Variants in GULP1 observed in about 807,000 individuals in gnomAD.
GULP1 encodes the protein PTB domain-containing engulfment adapter protein 1.
Under a neutral mutation model 40.9 loss-of-function variants are expected in GULP1, and 19 were observed. The ratio of observed to expected loss-of-function variants is 0.46; its 90% CI spans 0.32 to 0.68. The LOEUF (loss-of-function observed/expected upper bound fraction) is 0.68, where lower values mean the gene tolerates loss of function less well. GULP1 is among the 30% of genes least tolerant of loss of function. The pLI is 0.03. For synonymous variants in GULP1, 119 were observed against 117.6 expected (o/e 1.01, Z -0.08); for missense variants, 312 against 362.2 (o/e 0.86, Z 1.12).
chr2:188,385,140 T>G (rs2049519085), intron 2 of GULP1, among the ~76,000 whole-genome samples: 1 of 152,092 alleles, frequency 6.6e-6, no homozygotes, highest in Non-Finnish European at 1.5e-5. Flanking sequence ...CTAGGAGAGG[T>G]TCTCCATGAG....
intron 1 of GULP1, among the ~76,000 whole-genome samples, chr2:188,310,774 A>C (rs1413441131): frequency 6.6e-6 from 1 of 152,202 alleles, no homozygotes; most frequent in Non-Finnish European, 1.5e-5. Context: ...ATGAGAAGCC[A>C]GTAACAGACA....
At chr2:188,425,093 T>G (rs2055993936) in intron 2 of GULP1, among the ~76,000 whole-genome samples, 3 of 152,076 alleles carry the variant, frequency 2.0e-5, no homozygotes, top group African/African-American at 7.2e-5. Context: ...AATCTTATCA[T>G]TACTAACATA....
intron 9 of GULP1, chr2:188,582,714 T>C (rs945650532): frequency 2.9e-6 from 1 of 348,710 alleles, no homozygotes; most frequent in African/African-American, 2.1e-5. Context: ...CCATTGTTGT[T>C]TTCTTTGATT....
At chr2:188,424,733 T>C (rs1008183938) in intron 2 of GULP1, among the ~76,000 whole-genome samples, 2 of 151,924 alleles carry the variant, frequency 1.3e-5, no homozygotes, top group African/African-American at 2.4e-5. Context: ...GTCTTTATTT[T>C]AGTCTCTTTA....
rs191871429 is a variant in GULP1 at position 188,534,643 on chromosome 2, G to A, written c.261+5448G>A. On this transcript the variant is annotated intron_variant, in intron 6 of 11. Coordinates refer to ENST00000409830, the MANE Select transcript of GULP1 (RefSeq NM_016315.4). Reference sequence around the variant, plus strand: ...TGCACCCCCTGAATCTAAAATAAAAGTTTAAAAAAGTCTGTTTGGTGATAA... The same window carrying A: ...TGCACCCCCTGAATCTAAAATAAAAATTTAAAAAAGTCTGTTTGGTGATAA... Among the ~76,000 whole-genome samples the A allele has an allele frequency of 5.3e-5, 8 of 152,018 alleles. No individual in the cohort carries two copies. The East Asian group carries it at 1.5e-3, about 29-fold the overall frequency.
intron 9 of GULP1, among the ~76,000 whole-genome samples, chr2:188,572,334 A>G (rs1231409429): frequency 6.6e-6 from 1 of 152,212 alleles, no homozygotes; most frequent in African/African-American, 2.4e-5. Flanking sequence ...GCTATGTTTT[A>G]AAATGAATTA....
At chr2:188,360,263 C>G (rs112311987) in intron 1 of GULP1, among the ~76,000 whole-genome samples, 1 of 152,052 alleles carries the variant, frequency 6.6e-6, no homozygotes, top group Admixed American at 6.6e-5. Flanking sequence ...TCTTTCTGAA[C>G]TGCTAATAAT....
chr2:188,556,530 G>T (rs1455102896), intron 7 of GULP1, among the ~76,000 whole-genome samples: 1 of 151,870 alleles, frequency 6.6e-6, no homozygotes, highest in Non-Finnish European at 1.5e-5. Flanking sequence ...TTCTTTATCT[G>T]GGATTTTGGG....
intron 4 of GULP1, among the ~76,000 whole-genome samples, chr2:188,511,935 T>C (rs998624857): frequency 6.6e-6 from 1 of 152,176 alleles, no homozygotes; most frequent in African/African-American, 2.4e-5. Context: ...GTATCTATTT[T>C]AGTTTTTTTC....
At chr2:188,394,061 A>G (rs1293436995) in intron 2 of GULP1, among the ~76,000 whole-genome samples, 1 of 152,190 alleles carries the variant, frequency 6.6e-6, no homozygotes, top group Non-Finnish European at 1.5e-5. Context: ...ATATTTAGAT[A>G]TCTAAATCTC....
chr2:188,326,226 T>G (rs2040742293), intron 1 of GULP1, among the ~76,000 whole-genome samples: 2 of 152,122 alleles, frequency 1.3e-5, no homozygotes, highest in Admixed American at 1.3e-4. Flanking sequence ...GATCTAATAT[T>G]TCATTATACA....
chr2:188,467,183 A>G (rs778320713), intron 2 of GULP1, among the ~76,000 whole-genome samples: 1 of 152,118 alleles, frequency 6.6e-6, no homozygotes, highest in Non-Finnish European at 1.5e-5. Context: ...AGTTAGGAGG[A>G]TAATAATGCT....
At chr2:188,479,117 A>C (rs1220773627) in intron 3 of GULP1, among the ~76,000 whole-genome samples, 5 of 152,154 alleles carry the variant, frequency 3.3e-5, no homozygotes, top group African/African-American at 1.2e-4. Context: ...ATTCCAAGAA[A>C]GTCAGGTAAA....
intron 9 of GULP1, among the ~76,000 whole-genome samples, chr2:188,581,833 T>C (rs1701386718): frequency 6.6e-6 from 1 of 152,206 alleles, no homozygotes; most frequent in Non-Finnish European, 1.5e-5. Flanking sequence ...TTTATTGTAA[T>C]AAGGACATAA....
At chr2:188,509,120 G>A (rs1359410408) in intron 4 of GULP1, among the ~76,000 whole-genome samples, 1 of 151,924 alleles carries the variant, frequency 6.6e-6, no homozygotes, top group Non-Finnish European at 1.5e-5. Context: ...TCAAGTATCT[G>A]GAACAGTGCC....
chr2:188,418,681 A>C (rs983688379), intron 2 of GULP1, among the ~76,000 whole-genome samples: 3 of 152,218 alleles, frequency 2.0e-5, no homozygotes, highest in Non-Finnish European at 4.4e-5. Context: ...TTTTGGCTTT[A>C]ATAATTAATG....
Position 188,523,315 on chromosome 2 carries a change from C to T in GULP1, c.162+488C>T, listed in dbSNP as rs1031993958. Among the ~76,000 whole-genome samples, 30 of 152,220 alleles carry T rather than the reference C, an allele frequency of 2.0e-4. 1 individual carries two copies. Among genetic ancestry groups the T allele is most frequent in the Admixed American group, 2.0e-3 (30 of 15,284 alleles). On this transcript the variant is annotated intron_variant, in intron 5 of 11. Coordinates refer to ENST00000409830, the MANE Select transcript of GULP1 (RefSeq NM_016315.4). ...CAGGTCCAACAGGATCTGGCAATGTCCGTAAGTAGCCATGGGGAAACTGGT... is the reference window on the plus strand; with the variant it reads ...CAGGTCCAACAGGATCTGGCAATGTTCGTAAGTAGCCATGGGGAAACTGGT...
At chr2:188,386,674 C>T (rs1165411925) in intron 2 of GULP1, among the ~76,000 whole-genome samples, 1 of 152,020 alleles carries the variant, frequency 6.6e-6, no homozygotes, top group Admixed American at 6.6e-5. Flanking sequence ...GGCTCAATGA[C>T]TGTGATCTTT....
chr2:188,341,146 TC>T (rs1256666178), intron 1 of GULP1, among the ~76,000 whole-genome samples: 2 of 152,162 alleles, frequency 1.3e-5, no homozygotes, highest in African/African-American at 4.8e-5. Flanking sequence ...CCTGACCTTT[TC>T]TGCCTAGAAT....
Sources: gnomAD v4.1 joint callset for allele counts (sites outside exome capture counted in the v4.1 genomes callset) on GRCh38, gnomAD v4.1.1 for gene constraint, MANE v1.5 for transcripts, NCBI Gene and HGNC (gene_info 2026-07-23, HGNC 2026-07-21) for gene names.